Variants in FLI1 observed in about 807,000 individuals in gnomAD.
FLI1 encodes Friend leukemia integration 1 transcription factor.
FLI1 carries 13 observed loss-of-function variants against 53.1 expected under a neutral mutation model. The observed-to-expected ratio is 0.24, with a 90% CI of 0.16 to 0.39. FLI1 has a LOEUF of 0.39. Ranked by LOEUF, FLI1 falls within the 10% of genes least tolerant of loss-of-function variation. The probability of loss-of-function intolerance (pLI) is 1.00; values close to 1 mark genes in which losing one functional copy is unlikely to be tolerated. For synonymous variants in FLI1, 244 were observed against 236.7 expected, an observed-to-expected ratio of 1.03 and a Z score of -0.28; for missense variants, 424 against 600.5, an observed-to-expected ratio of 0.71 and a Z score of 3.07.
At chr11:128,796,970 C>T (rs1250781230) in intron 5 of FLI1, among the ~76,000 whole-genome samples, 9 of 152,202 alleles carry the variant, frequency 5.9e-5, no homozygotes, top group Non-Finnish European at 5.9e-5. Context: ...AGCAAGACTT[C>T]GTCTCAAAAC....
chr11:128,788,999 T>C (rs960888670), intron 5 of FLI1, among the ~76,000 whole-genome samples: 11 of 152,334 alleles, frequency 7.2e-5, no homozygotes, highest in African/African-American at 2.4e-4. Context: ...TACCACGTCT[T>C]TCAATTTTCC....
In FLI1 at chr11:128,772,778, G is replaced by A. The variant is rs761611499; in HGVS notation, c.386-4G>A. On this transcript the variant is annotated splice_polypyrimidine_tract_variant and splice_region_variant and intron_variant, in intron 3 of 8. Transcript: ENST00000527786. ...CCTTGCTAACAACGTCTTCTCCTCT[G>A]CAGACCCCACACTGTGGACACAGGA... The A allele has an allele frequency of 1.9e-6, 3 of 1,613,824 alleles. No homozygotes were observed. The highest frequency in any genetic ancestry group is 1.7e-6 in the Non-Finnish European group (2 of 1,179,714).
intron 4 of FLI1, among the ~76,000 whole-genome samples, chr11:128,776,668 C>T (rs529112265): frequency 6.6e-6 from 1 of 152,290 alleles, no homozygotes; most frequent in South Asian, 2.1e-4. Context: ...AAAAAGGTTG[C>T]CCCCTTGTGG....
intron 3 of FLI1, among the ~76,000 whole-genome samples, chr11:128,770,723 G>A (rs1044483112): frequency 2.0e-5 from 3 of 152,220 alleles, no homozygotes; most frequent in Non-Finnish European, 4.4e-5. Flanking sequence ...ACTGGGAGAA[G>A]TGAAGAATGA....
intron 1 of FLI1, among the ~76,000 whole-genome samples, chr11:128,719,934 T>A (rs1470780657): frequency 6.6e-6 from 1 of 152,218 alleles, no homozygotes; most frequent in Non-Finnish European, 1.5e-5. Flanking sequence ...TACTTTTTTT[T>A]AAAACTCATT....
At chr11:128,710,984 T>G (rs1938761622) in intron 1 of FLI1, among the ~76,000 whole-genome samples, 1 of 152,222 alleles carries the variant, frequency 6.6e-6, no homozygotes, top group African/African-American at 2.4e-5. Flanking sequence ...AAGTGAAAGA[T>G]TAAGAAAACT....
At chr11:128,790,243 G>T (rs1453848125) in intron 5 of FLI1, among the ~76,000 whole-genome samples, 2 of 146,450 alleles carry the variant, frequency 1.4e-5, no homozygotes, top group African/African-American at 5.3e-5. Flanking sequence ...GACCCTCTTC[G>T]GAGAGTTGCA....
chr11:128,719,286 A>C (rs1257363387), intron 1 of FLI1, among the ~76,000 whole-genome samples: 1 of 151,608 alleles, frequency 6.6e-6, no homozygotes, highest in East Asian at 1.9e-4. Context: ...ATTAAAAAAA[A>C]AAAAAACAGT....
At chr11:128,756,085 T>C (rs1940849075) in intron 1 of FLI1, among the ~76,000 whole-genome samples, 2 of 152,210 alleles carry the variant, frequency 1.3e-5, no homozygotes, top group Non-Finnish European at 2.9e-5. Flanking sequence ...ACAAGGAAGG[T>C]AGACAAATCC....
chr11:128,761,228 A>T (rs960924191), intron 2 of FLI1, among the ~76,000 whole-genome samples: 33 of 152,078 alleles, frequency 2.2e-4, no homozygotes, highest in Non-Finnish European at 3.1e-4. Context: ...ATTCTGGAAC[A>T]TTCCTACTCC....
At chr11:128,749,164 A>G (rs1419361474) in intron 1 of FLI1, among the ~76,000 whole-genome samples, 6 of 152,206 alleles carry the variant, frequency 3.9e-5, no homozygotes, top group Non-Finnish European at 8.8e-5. Context: ...GATTCCTGCC[A>G]GCCAGTGTCA....
chr11:128,788,891 A>T (rs1007931591), intron 5 of FLI1, among the ~76,000 whole-genome samples: 9 of 152,222 alleles, frequency 5.9e-5, no homozygotes, highest in Admixed American at 5.9e-4. Context: ...AACACAGCAC[A>T]CTACCTACCC....
At chr11:128,790,158 GCTCT>G (rs775324262) in intron 5 of FLI1, among the ~76,000 whole-genome samples, 36 of 151,736 alleles carry the variant, frequency 2.4e-4, no homozygotes, top group Non-Finnish European at 4.1e-4. Flanking sequence ...ACAGTAGCTT[GCTCT>G]CTCTATTTTA....
chr11:128,717,822 C>T (rs1437457968), intron 1 of FLI1, among the ~76,000 whole-genome samples: 1 of 152,218 alleles, frequency 6.6e-6, no homozygotes, highest in African/African-American at 2.4e-5. Context: ...TACTACCTCT[C>T]CTGGACTGTT....
chr11:128,719,610 T>C (rs896699962), intron 1 of FLI1, among the ~76,000 whole-genome samples: 3 of 152,156 alleles, frequency 2.0e-5, no homozygotes, highest in African/African-American at 4.8e-5. Context: ...CAACGGAGAC[T>C]TACTGCAAAT....
intron 4 of FLI1, 92 bp downstream of exon 4, chr11:128,773,077 C>T (rs1591800842): frequency 1.7e-6 from 2 of 1,190,162 alleles, no homozygotes; most frequent in East Asian, 2.3e-5. Context: ...TCGTGTTGGG[C>T]AGATGCCGCC....
At chr11:128,760,691 C>A (rs927099277) in intron 2 of FLI1, among the ~76,000 whole-genome samples, 1 of 151,988 alleles carries the variant, frequency 6.6e-6, no homozygotes, top group African/African-American at 2.4e-5. Flanking sequence ...CCACACCTGG[C>A]AAGTTTTTGT....
At chr11:128,707,591 G>A (rs375473587) in intron 1 of FLI1, among the ~76,000 whole-genome samples, 42 of 152,238 alleles carry the variant, frequency 2.8e-4, no homozygotes, top group African/African-American at 9.6e-4. Context: ...GGAGACTGTG[G>A]GTCTCTATAA....
intron 1 of FLI1, among the ~76,000 whole-genome samples, chr11:128,721,380 T>G (rs1284104932): frequency 6.6e-6 from 1 of 152,062 alleles, no homozygotes; most frequent in Non-Finnish European, 1.5e-5. Context: ...AAACAAAGAA[T>G]AAAAAGAGAA....
Sources: allele counts gnomAD v4.1 joint callset (sites outside exome capture counted in the v4.1 genomes callset), GRCh38; gene constraint gnomAD v4.1.1; transcripts MANE v1.5; gene names NCBI Gene and HGNC (gene_info 2026-07-23, HGNC 2026-07-21).